The following PLEKHG4B variants were observed in gnomAD, a reference collection of about 807,000 sequenced individuals.
PLEKHG4B encodes the protein pleckstrin homology and RhoGEF domain containing G4B.
PLEKHG4B carries 111 observed loss-of-function variants against 121.3 expected under a neutral mutation model. The observed-to-expected ratio is 0.92, with a 90% CI of 0.78 to 1.07. The LOEUF (loss-of-function observed/expected upper bound fraction) is 1.07, where lower values mean the gene tolerates loss of function less well. Among genes scored for constraint, PLEKHG4B ranks in the 50% least tolerant of loss-of-function variants. The pLI, the probability that PLEKHG4B is intolerant of heterozygous loss-of-function variation, is 0.00. For missense variants in PLEKHG4B, 1,831 were observed against 1,757.8 expected (o/e 1.04, Z -0.74); for synonymous variants, 738 against 725.0 (o/e 1.02, Z -0.29).
intron 6 of PLEKHG4B, among the ~76,000 whole-genome samples, chr5:147,552 T>C (rs1311347506): frequency 6.6e-6 from 1 of 152,220 alleles, no homozygotes; most frequent in African/African-American, 2.4e-5. Context: ...CATATGCTTA[T>C]TGTTAGTGTT....
intron 3 of PLEKHG4B, among the ~76,000 whole-genome samples, chr5:141,914 A>C (rs539504098): frequency 6.6e-6 from 1 of 151,862 alleles, no homozygotes; most frequent in African/African-American, 2.4e-5. Context: ...TGCCCTGCCA[A>C]CCCCTCCTAC....
chr5:169,619 C>T (rs754255673), intron 14 of PLEKHG4B, 27 bp downstream of exon 14: 85 of 1,607,106 alleles, frequency 5.3e-5, no homozygotes, highest in Middle Eastern at 1.8e-4. Context: ...GCGTGGGTGC[C>T]GGGCAACGTG....
chr5:124,598 A>G (rs561017383), intron 2 of PLEKHG4B, among the ~76,000 whole-genome samples: 9 of 152,250 alleles, frequency 5.9e-5, no homozygotes, highest in African/African-American at 1.9e-4. Flanking sequence ...TATAATTGTT[A>G]TATCTTCTTG....
At chr5:170,690 G>A (rs183832359) in intron 14 of PLEKHG4B, among the ~76,000 whole-genome samples, 75 of 152,312 alleles carry the variant, frequency 4.9e-4, no homozygotes, top group African/African-American at 1.7e-3. Context: ...GACAGCTTTA[G>A]CTCTTGGCCA....
chr5:165,390 G>A (rs74208256), intron 13 of PLEKHG4B, among the ~76,000 whole-genome samples: 2 of 43,354 alleles, frequency 4.6e-5, no homozygotes, highest in African/African-American at 1.9e-4. Flanking sequence ...ATCCTCTGAC[G>A]GGGCGGAGCT....
chr5:157,520 G>A lies in PLEKHG4B; in HGVS notation c.2487+609G>A, dbSNP rs1268396849. Among the ~76,000 whole-genome samples the A allele has an allele frequency of 6.6e-6, 1 of 152,164 alleles. No homozygotes were observed. The highest frequency in any genetic ancestry group is 1.5e-5 in the Non-Finnish European group (1 of 68,030). On this transcript the variant is annotated intron_variant, in intron 11 of 19. Coordinates refer to ENST00000637938, the MANE Select transcript of PLEKHG4B (RefSeq NM_052909.5). This position sits in a 1 kb window ranked among gnomAD's most constrained non-coding sequence, Gnocchi z 4.6. Reference sequence around the variant, plus strand: ...GTGAGTTGTGCACAGTGTGTGGCGTGGCTGGGGTTATTGATGGCCCTTGGT... The same window carrying A: ...GTGAGTTGTGCACAGTGTGTGGCGTAGCTGGGGTTATTGATGGCCCTTGGT...
At position 182,443 on chromosome 5, in the gene PLEKHG4B, A is replaced by G. The variant is rs1203060995; in HGVS notation, c.*120A>G. On this transcript the variant is annotated 3_prime_UTR_variant, in exon 20 of 20. Coordinates refer to ENST00000637938, the MANE Select transcript of PLEKHG4B (RefSeq NM_052909.5). ...CGCGTGGCTGGAACGATCCAGAGGGAATAGCACAGCAGGTGTCCAGGTATT... is the reference window on the plus strand; with the variant it reads ...CGCGTGGCTGGAACGATCCAGAGGGGATAGCACAGCAGGTGTCCAGGTATT... 6 of 939,416 alleles carry G rather than the reference A, an allele frequency of 6.4e-6. No individual in the cohort carries two copies. Among genetic ancestry groups the G allele is most frequent in the Non-Finnish European group, 9.4e-6 (6 of 640,934 alleles). The allele number at this position is 939,416 out of a possible 1,614,324, so 58.2% of individuals were successfully genotyped here. A position where few individuals can be genotyped will look rare whatever the true frequency, so the allele number is the denominator to read the frequency against.
At position 163,208 on chromosome 5, in the gene PLEKHG4B, G is replaced by A. The variant is rs1201969252; in HGVS notation, c.3136G>A (p.Ala1046Thr). 21 of 1,593,626 alleles carry A rather than the reference G, an allele frequency of 1.3e-5. No homozygotes were observed. The highest frequency in any genetic ancestry group is 1.8e-5 in the Non-Finnish European group (21 of 1,170,676). The change falls in exon 13 of 20, where the codon GCA becomes ACA. Residue 1046 changes from alanine to threonine, a missense_variant. By Grantham distance (58) the Ala-to-Thr change is moderately conservative (BLOSUM62 0). Coordinates refer to ENST00000637938, the MANE Select transcript of PLEKHG4B (RefSeq NM_052909.5). ...GTCCCTCCTCAGGGGCCTTCCAGGGGCAGGGGCCACCACGGCCCACCTGGA... is the reference window on the plus strand; with the variant it reads ...GTCCCTCCTCAGGGGCCTTCCAGGGACAGGGGCCACCACGGCCCACCTGGA... ...PLSLLRGLPG[A>T]GATTAHLEDS...
chr5:169,423 AT>A lies in PLEKHG4B; in HGVS notation c.3564del (p.Pro1189GlnfsTer53). ...TGCTTAGGATACGTCATTGACAACT[AT>A]TTTCCAGAAATGGAAAGAATGGACT... is the stretch of plus-strand genomic sequence containing the variant. Reference protein sequence around the residue: ...IRCLGYVIDNYFPEMERMDLP... With the variant: ...IRCLGYVIDNXFPEMERMDLP... On this transcript the variant is annotated frameshift_variant, in exon 14 of 20. Coordinates refer to ENST00000637938, the MANE Select transcript of PLEKHG4B (RefSeq NM_052909.5). LOFTEE classifies it high-confidence loss of function. The A allele has an allele frequency of 6.2e-7, 1 of 1,614,108 alleles. No homozygotes were observed. Among genetic ancestry groups the A allele is most frequent in the South Asian group, 1.1e-5 (1 of 91,086 alleles).
intron 6 of PLEKHG4B, among the ~76,000 whole-genome samples, chr5:149,771 A>G (rs1560930557): frequency 2.0e-5 from 3 of 152,250 alleles, no homozygotes; most frequent in Non-Finnish European, 4.4e-5. Context: ...GCACATGAAA[A>G]GATGTTCAAT....
In PLEKHG4B at chr5:182,588, AC is replaced by A. The variant is rs1664134600; in HGVS notation, c.*266del. ...GCATAGGAAACAGACCTAAAACAAG[AC>A]AAAAAAAGACTAAACATGAAACAAA... On this transcript the variant is annotated 3_prime_UTR_variant, in exon 20 of 20. Transcript: ENST00000637938. The A allele has an allele frequency of 2.2e-6, 1 of 450,612 alleles. No homozygotes were observed. The highest frequency in any genetic ancestry group is 4.3e-5 in the South Asian group (1 of 23,062). 27.9% of individuals were successfully genotyped at this position (450,612 alleles called of 1,614,324 possible).
At chr5:170,211 G>A (rs1297107497) in intron 14 of PLEKHG4B, among the ~76,000 whole-genome samples, 1 of 152,258 alleles carries the variant, frequency 6.6e-6, no homozygotes, top group Non-Finnish European at 1.5e-5. Flanking sequence ...GCTGTGGGCA[G>A]ATGGGATGTA....
chr5:182,409 G>T lies in PLEKHG4B; in HGVS notation c.*86G>T. 1 of 1,382,090 alleles carries T rather than the reference G, an allele frequency of 7.2e-7. No homozygotes were observed. The allele number at this position is 1,382,090 out of a possible 1,614,324, so 85.6% of individuals were successfully genotyped here. A position where few individuals can be genotyped will look rare whatever the true frequency, so the allele number is the denominator to read the frequency against. On this transcript the variant is annotated 3_prime_UTR_variant, in exon 20 of 20. Coordinates refer to ENST00000637938, the MANE Select transcript of PLEKHG4B (RefSeq NM_052909.5). Reference sequence around the variant, plus strand: ...CAGGCCTGATGACTCTGGGGGTGGCGGTGCCCATCGCGTGGCTGGAACGAT... The same window carrying T: ...CAGGCCTGATGACTCTGGGGGTGGCTGTGCCCATCGCGTGGCTGGAACGAT...
chr5:158,845 C>A (rs527570766), intron 11 of PLEKHG4B, among the ~76,000 whole-genome samples: 1 of 152,058 alleles, frequency 6.6e-6, no homozygotes, highest in Non-Finnish European at 1.5e-5. Context: ...TTTCCTGTAT[C>A]CAAGTCTTCC....
At chr5:94,816 G>T (rs1249695563) in intron 1 of PLEKHG4B, among the ~76,000 whole-genome samples, 2 of 152,120 alleles carry the variant, frequency 1.3e-5, no homozygotes. Context: ...CCCTCCATGA[G>T]CTGTTGTCCT....
chr5:168,233 C>A (rs1361385168), intron 13 of PLEKHG4B, among the ~76,000 whole-genome samples: 4 of 152,204 alleles, frequency 2.6e-5, no homozygotes, highest in African/African-American at 4.8e-5. Context: ...GCTTGGCAGC[C>A]CCTCCTCAGG....
chr5:143,170 G>C lies in PLEKHG4B; in HGVS notation c.1601G>C (p.Gly534Ala), dbSNP rs749316529. 3.7e-6 allele frequency: 6 copies of C among 1,612,028 alleles called. No individual in the cohort carries two copies. Among genetic ancestry groups the C allele is most frequent in the African/African-American group, 1.3e-5 (1 of 75,062 alleles). The change falls in exon 4 of 20, where the codon GGC (glycine) becomes GCC (alanine). Residue 534 changes from glycine (G) to alanine (A), a missense_variant. Gly to Ala is a moderately conservative substitution (Grantham distance 60). Transcript: ENST00000637938. ...PHPEQEGWPP[G>A]TGDFPSQVPK... Reference sequence around the variant, plus strand: ...CCCGAGCAAGAAGGGTGGCCACCCGGCACAGGAGACTTCCCCAGCCAGGTG... The same window carrying C: ...CCCGAGCAAGAAGGGTGGCCACCCGCCACAGGAGACTTCCCCAGCCAGGTG...
At chr5:146,354 C>T (rs1735413962) in intron 6 of PLEKHG4B, among the ~76,000 whole-genome samples, 1 of 144,608 alleles carries the variant, frequency 6.9e-6, no homozygotes, top group African/African-American at 2.6e-5. Flanking sequence ...GTCCTCCCTC[C>T]TCTCCACCCC....
rs371390126 is a variant in PLEKHG4B, at chr5:163,231, G to A, written c.3159G>A (p.Leu1053=). The change falls in exon 13 of 20, where the codon CTG becomes CTA. Residue 1053 remains leucine (L), a synonymous_variant. Transcript: ENST00000637938. ...LPGAGATTAH[L]EDSSACSSEP... ...GGGCAGGGGCCACCACGGCCCACCT[G>A]GAGGACAGCTCTGCCTGTTCCTCTG... The A allele has an allele frequency of 1.2e-4, 195 of 1,606,214 alleles. No homozygotes were observed. Among genetic ancestry groups the A allele is most frequent in the Middle Eastern group, 1.7e-4 (1 of 6,040 alleles).
Sources: allele counts gnomAD v4.1 joint callset (sites outside exome capture counted in the v4.1 genomes callset), GRCh38; gene constraint gnomAD v4.1.1; non-coding constraint Gnocchi (gnomAD v3.1); transcripts MANE v1.5; gene names NCBI Gene and HGNC (gene_info 2026-07-23, HGNC 2026-07-21).